RICTOR: variants seen among roughly 807,000 people sequenced by gnomAD.
RICTOR encodes the protein rapamycin-insensitive companion of mTOR.
Under a neutral mutation model 214.9 loss-of-function variants are expected in RICTOR, and 49 were observed. The ratio of observed to expected loss-of-function variants is 0.23; its 90% CI spans 0.18 to 0.29. The LOEUF (loss-of-function observed/expected upper bound fraction) is 0.29, where lower values mean the gene tolerates loss of function less well. Ranked by LOEUF, RICTOR falls within the 10% of genes least tolerant of loss-of-function variation. The pLI is 1.00. For missense variants in RICTOR, 1,625 were observed against 2,047.0 expected (o/e 0.79, Z 3.98); for synonymous variants, 717 against 711.3 (o/e 1.01, Z -0.13).
At chr5:38,958,352 G>C (rs889759605) in intron 24 of RICTOR, 91 bp downstream of exon 24, 4 of 812,776 alleles carry the variant, frequency 4.9e-6, no homozygotes, top group Non-Finnish European at 8.6e-6. Flanking sequence ...ACTCTTCAGC[G>C]TACTTCCCAT....
intron 11 of RICTOR, among the ~76,000 whole-genome samples, chr5:38,968,627 A>G (rs1434433364): frequency 2.0e-5 from 3 of 151,572 alleles, no homozygotes; most frequent in Non-Finnish European, 4.4e-5. Flanking sequence ...AGTCCTAGCT[A>G]CTCGGGAGGC....
At chr5:39,063,092 T>C (rs1229622872) in intron 2 of RICTOR, among the ~76,000 whole-genome samples, 6 of 152,152 alleles carry the variant, frequency 3.9e-5, no homozygotes, top group African/African-American at 1.4e-4. Flanking sequence ...CAAAGGACTT[T>C]GAACATGCAC....
chr5:39,062,752 C>T (rs1374984179), intron 2 of RICTOR, among the ~76,000 whole-genome samples: 1 of 152,076 alleles, frequency 6.6e-6, no homozygotes, highest in African/African-American at 2.4e-5. Context: ...ATAGGAAACA[C>T]ATGAAATTTC....
At position 38,939,303 on chromosome 5, in the gene RICTOR, A is replaced by G. The variant is rs1294495940; in HGVS notation, c.*3001T>C. ...TCAAGCTCTAGATAAAAGAGCTGAA[A>G]CCCATTAAAGTTGTCATTTCAAAAG... On this transcript the variant is annotated 3_prime_UTR_variant, in exon 38 of 38. Coordinates refer to ENST00000357387, the MANE Select transcript of RICTOR (RefSeq NM_152756.5). 4.3e-6 allele frequency: 1 copy of G among 232,420 alleles called. No homozygotes were observed. The highest frequency in any genetic ancestry group is 8.5e-6 in the Non-Finnish European group (1 of 117,578). 14.4% of individuals were successfully genotyped at this position (232,420 alleles called of 1,614,324 possible). A position where few individuals can be genotyped will look rare whatever the true frequency, so the allele number is the denominator to read the frequency against.
intron 31 of RICTOR, 130 bp downstream of exon 31, chr5:38,949,582 C>G: frequency 9.5e-7 from 1 of 1,047,210 alleles, no homozygotes; most frequent in South Asian, 1.6e-5. Context: ...GAGCTTATAG[C>G]CTACCATAGT....
Position 39,062,717 on chromosome 5 carries a change from T to C in RICTOR, c.97+11394A>G, listed in dbSNP as rs142739732. 3.7e-3 allele frequency among the ~76,000 whole-genome samples: 568 copies of C among 152,274 alleles called. 13 individuals are homozygous for C. Among genetic ancestry groups the C allele is most frequent in the Admixed American group, 0.027 (420 of 15,294 alleles). On this transcript the variant is annotated intron_variant, in intron 2 of 37. Coordinates refer to ENST00000357387, the MANE Select transcript of RICTOR (RefSeq NM_152756.5). ...GGCAACCTTCTTTGTTTACAGCTTC[T>C]ATGTCTCTTCATTCTCTATTCATTA...
At chr5:39,020,349 G>A (rs1755319678) in intron 3 of RICTOR, among the ~76,000 whole-genome samples, 1 of 152,088 alleles carries the variant, frequency 6.6e-6, no homozygotes, top group African/African-American at 2.4e-5. Flanking sequence ...AGTCAATGCG[G>A]CAAACTTCAT....
rs1759565811 is a variant in RICTOR, at chr5:39,074,357, G to C, written c.21C>G (p.Gly7=). MAAIGR[G]RSLKNLRVRG... is the part of the protein sequence containing the mutation. ...GTACTCGGAGGTTCTTCAGAGAGCG[G>C]CCGCGGCCGATCGCCGCCATATTGA... The change falls in exon 1 of 38, where the codon GGC becomes GGG. Residue 7 remains glycine (G), a synonymous_variant. Coordinates refer to ENST00000357387, the MANE Select transcript of RICTOR (RefSeq NM_152756.5). 1.3e-6 allele frequency: 2 copies of C among 1,538,214 alleles called. No individual in the cohort carries two copies. Among genetic ancestry groups the C allele is most frequent in the African/African-American group, 2.8e-5 (2 of 71,558 alleles).
At chr5:39,040,687 A>G (rs891823394) in intron 2 of RICTOR, among the ~76,000 whole-genome samples, 1 of 152,024 alleles carries the variant, frequency 6.6e-6, no homozygotes, top group African/African-American at 2.4e-5. Flanking sequence ...CCATAATTTT[A>G]TTACTTATAT....
At chr5:38,995,865 TA>T (rs1381611931) in intron 6 of RICTOR, among the ~76,000 whole-genome samples, 2 of 152,196 alleles carry the variant, frequency 1.3e-5, no homozygotes, top group African/African-American at 4.8e-5. Context: ...AAGAGTCTCC[TA>T]ATCTATTTCC....
chr5:38,982,501 G>A (rs868340078), intron 7 of RICTOR, among the ~76,000 whole-genome samples: 3 of 151,988 alleles, frequency 2.0e-5, no homozygotes, highest in African/African-American at 7.3e-5. Flanking sequence ...ATTTGCATAC[G>A]TGCATGTGTA....
At chr5:39,052,637 A>T (rs568009887) in intron 2 of RICTOR, among the ~76,000 whole-genome samples, 1 of 152,308 alleles carries the variant, frequency 6.6e-6, no homozygotes, top group East Asian at 1.9e-4. Flanking sequence ...ATGTATGTAA[A>T]CATAAAATAA....
intron 2 of RICTOR, among the ~76,000 whole-genome samples, chr5:39,038,376 A>T (rs1411311119): frequency 1.3e-5 from 2 of 152,224 alleles, no homozygotes; most frequent in African/African-American, 4.8e-5. Context: ...CTGAATGGAC[A>T]AAAACTGGAA....
At chr5:39,065,458 G>A (rs537105389) in intron 2 of RICTOR, among the ~76,000 whole-genome samples, 5 of 152,126 alleles carry the variant, frequency 3.3e-5, no homozygotes, top group South Asian at 4.2e-4. Context: ...TTCTGCCCAC[G>A]GCCCCTCCCA....
At chr5:39,050,964 T>C (rs964881687) in intron 2 of RICTOR, among the ~76,000 whole-genome samples, 2 of 152,046 alleles carry the variant, frequency 1.3e-5, no homozygotes, top group South Asian at 2.1e-4. Flanking sequence ...TATGAATCAA[T>C]AGCAATTCCT....
intron 3 of RICTOR, among the ~76,000 whole-genome samples, chr5:39,018,726 T>C (rs1327456402): frequency 6.6e-6 from 1 of 152,070 alleles, no homozygotes; most frequent in Non-Finnish European, 1.5e-5. Flanking sequence ...CTTGGGCCTA[T>C]TTCCTGAGAC....
intron 3 of RICTOR, among the ~76,000 whole-genome samples, chr5:39,006,899 G>A (rs1205788530): frequency 2.0e-5 from 3 of 152,024 alleles, no homozygotes; most frequent in African/African-American, 4.8e-5. Context: ...CTGATATGAC[G>A]AACAAAGAGG....
intron 7 of RICTOR, among the ~76,000 whole-genome samples, chr5:38,990,565 CACGATATATAT>C (rs1256194945): frequency 8.5e-5 from 12 of 141,918 alleles, no homozygotes; most frequent in East Asian, 6.0e-4. Flanking sequence ...ACGATATATA[CACGATATATAT>C]GATATATACA....
chr5:38,989,658 A>G (rs1482395610), intron 7 of RICTOR, among the ~76,000 whole-genome samples: 3 of 152,196 alleles, frequency 2.0e-5, no homozygotes, highest in Non-Finnish European at 4.4e-5. Context: ...AATTTACAAG[A>G]AAAAAACAAC....
Sources: allele counts gnomAD v4.1 joint callset (sites outside exome capture counted in the v4.1 genomes callset), GRCh38; gene constraint gnomAD v4.1.1; transcripts MANE v1.5; gene names NCBI Gene and HGNC (gene_info 2026-07-23, HGNC 2026-07-21).